Variants in SLC2A13 observed in about 807,000 individuals in gnomAD.
SLC2A13 encodes the protein proton myo-inositol cotransporter.
A neutral mutation model predicts 64.4 loss-of-function variants in SLC2A13; 32 were observed. That is an observed-to-expected ratio of 0.50 (90% confidence interval 0.37 to 0.67). The LOEUF is 0.67. Among genes scored for constraint, SLC2A13 ranks in the 30% least tolerant of loss-of-function variants. SLC2A13 has a pLI of 0.00. For synonymous variants in SLC2A13, 338 were observed against 327.1 expected, an observed-to-expected ratio of 1.03 and a Z score of -0.36; for missense variants, 743 against 829.2, an observed-to-expected ratio of 0.90 and a Z score of 1.28.
At chr12:39,864,715 A>G (rs780501270) in intron 6 of SLC2A13, 47 bp downstream of exon 6, 1 of 1,597,158 alleles carries the variant, frequency 6.3e-7, no homozygotes, top group Non-Finnish European at 8.5e-7. Flanking sequence ...GCAAGCAAAA[A>G]AGTTACCAGA....
intron 4 of SLC2A13, among the ~76,000 whole-genome samples, chr12:39,910,359 G>GT (rs1945402028): frequency 6.6e-6 from 1 of 152,046 alleles, no homozygotes; most frequent in African/African-American, 2.4e-5. Flanking sequence ...AACCACCTAT[G>GT]TGGTAAAGTT....
At chr12:39,775,045 T>G (rs533087888) in intron 7 of SLC2A13, among the ~76,000 whole-genome samples, 2 of 152,334 alleles carry the variant, frequency 1.3e-5, no homozygotes, top group South Asian at 4.1e-4. Context: ...CAGTCTGATA[T>G]CTAAAGTGTA....
chr12:39,859,333 GAA>G (rs34726316), intron 6 of SLC2A13, among the ~76,000 whole-genome samples: 23,841 of 60,686 alleles, frequency 0.39, 3,682 homozygotes, highest in East Asian at 0.45. Flanking sequence ...TTTTTTTTCT[GAA>G]AAAAAAAAAA....
chr12:40,082,178 GT>G (rs1194393788), intron 1 of SLC2A13, among the ~76,000 whole-genome samples: 2 of 152,174 alleles, frequency 1.3e-5, no homozygotes, highest in African/African-American at 4.8e-5. Context: ...TGGTAGTGAG[GT>G]TAGCATGCAC....
chr12:40,100,937 C>A (rs1338246006), intron 1 of SLC2A13, among the ~76,000 whole-genome samples: 1 of 129,550 alleles, frequency 7.7e-6, no homozygotes, highest in Non-Finnish European at 1.6e-5. Flanking sequence ...CGTGCTCCAG[C>A]CTGGGCGACA....
chr12:40,083,270 TCCA>T (rs1023340599), intron 1 of SLC2A13, among the ~76,000 whole-genome samples: 3 of 152,216 alleles, frequency 2.0e-5, no homozygotes, highest in Admixed American at 6.5e-5. Flanking sequence ...AGCTCTCTTC[TCCA>T]CCACTTCCCT....
chr12:39,876,122 C>G (rs1439173217), intron 4 of SLC2A13, among the ~76,000 whole-genome samples: 1 of 152,144 alleles, frequency 6.6e-6, no homozygotes, highest in Non-Finnish European at 1.5e-5. Flanking sequence ...CTCACACATA[C>G]CATCTCTTCC....
chr12:39,988,123 AG>A (rs1947061753), intron 3 of SLC2A13, among the ~76,000 whole-genome samples: 1 of 152,196 alleles, frequency 6.6e-6, no homozygotes, highest in African/African-American at 2.4e-5. Context: ...GCATATATGT[AG>A]GGACAGTTTT....
intron 1 of SLC2A13, among the ~76,000 whole-genome samples, chr12:40,087,357 C>A (rs1565622122): frequency 6.6e-6 from 1 of 152,144 alleles, no homozygotes; most frequent in African/African-American, 2.4e-5. Flanking sequence ...CCAGTCTATA[C>A]CCCTCTGTGT....
chr12:39,943,739 G>C (rs554073514), intron 4 of SLC2A13, among the ~76,000 whole-genome samples: 15 of 152,268 alleles, frequency 9.9e-5, no homozygotes, highest in African/African-American at 3.6e-4. Context: ...CCCTAGCAGG[G>C]AAGCCATGAG....
intron 3 of SLC2A13, among the ~76,000 whole-genome samples, chr12:40,007,642 T>C (rs190558556): frequency 6.6e-6 from 1 of 152,350 alleles, no homozygotes; most frequent in East Asian, 1.9e-4. Flanking sequence ...ATAAGCTTTG[T>C]TTTGAATTCT....
intron 4 of SLC2A13, among the ~76,000 whole-genome samples, chr12:39,896,188 A>G (rs554358999): frequency 6.7e-6 from 1 of 148,242 alleles, no homozygotes; most frequent in African/African-American, 2.5e-5. Context: ...GTATATATGT[A>G]TATATGTGTA....
chr12:40,024,634 C>G (rs1275284697), intron 3 of SLC2A13, among the ~76,000 whole-genome samples: 1 of 152,104 alleles, frequency 6.6e-6, no homozygotes, highest in Non-Finnish European at 1.5e-5. Flanking sequence ...GTTAATTGCT[C>G]TTTCATTTAT....
rs76990929 is a variant in SLC2A13 at position 39,905,204 on chromosome 12, A to G, written c.1035-33243T>C. 2.4e-3 allele frequency among the ~76,000 whole-genome samples: 366 copies of G among 152,276 alleles called. 1 individual carries two copies. The highest frequency in any genetic ancestry group is 8.5e-3 in the African/African-American group (353 of 41,568). ...GTTTTTATAATACTCTGAACACTGTACTAAAGAAAAGTGATGAGCATTTTG... is the reference window on the plus strand; with the variant it reads ...GTTTTTATAATACTCTGAACACTGTGCTAAAGAAAAGTGATGAGCATTTTG... On this transcript the variant is annotated intron_variant, in intron 4 of 9. Coordinates refer to ENST00000280871, the MANE Select transcript of SLC2A13 (RefSeq NM_052885.4).
intron 1 of SLC2A13, among the ~76,000 whole-genome samples, chr12:40,087,141 G>GT (rs1938612413): frequency 6.6e-6 from 1 of 152,140 alleles, no homozygotes; most frequent in Admixed American, 6.6e-5. Flanking sequence ...ACCTTTGGCT[G>GT]TATCTTCCAT....
chr12:39,895,524 A>G lies in SLC2A13; in HGVS notation c.1035-23563T>C, dbSNP rs1160545244. Among the ~76,000 whole-genome samples the G allele has an allele frequency of 8.2e-3, 234 of 28,554 alleles. 6 individuals are homozygous for G. The highest frequency in any genetic ancestry group is 0.023 in the East Asian group (6 of 256). 18.7% of individuals were successfully genotyped at this position (28,554 alleles called of 152,430 possible). On this transcript the variant is annotated intron_variant, in intron 4 of 9. Coordinates refer to ENST00000280871, the MANE Select transcript of SLC2A13 (RefSeq NM_052885.4). The stretch of plus-strand genomic sequence containing the variant: ...AAAAAAAAAAAAAAATTATATATAT[A>G]TATATATATATATATATATATATAT...
At chr12:39,805,535 A>T in intron 7 of SLC2A13, among the ~76,000 whole-genome samples, 1 of 150,970 alleles carries the variant, frequency 6.6e-6, no homozygotes, top group African/African-American at 2.4e-5. Flanking sequence ...TTCCCCAGAG[A>T]CTTTATTCCC....
Position 40,100,762 on chromosome 12 carries a change from G to C in SLC2A13, c.556+4491C>G, listed in dbSNP as rs1029798970. Among the ~76,000 whole-genome samples the C allele has an allele frequency of 2.6e-5, 4 of 151,988 alleles. No homozygotes were observed. The South Asian group carries it at 8.3e-4, about 32-fold the overall frequency. On this transcript the variant is annotated intron_variant, in intron 1 of 9. Coordinates refer to ENST00000280871, the MANE Select transcript of SLC2A13 (RefSeq NM_052885.4). ...GCAGATCACCTGAGATCAGGAGTTC[G>C]AGACCAGCTTGGCCAACATGGTGAA... is the stretch of plus-strand genomic sequence containing the variant.
chr12:40,059,318 G>A (rs1409426089), intron 1 of SLC2A13, among the ~76,000 whole-genome samples: 1 of 152,184 alleles, frequency 6.6e-6, no homozygotes, highest in Non-Finnish European at 1.5e-5. Context: ...GACAGAGGAA[G>A]TAGATGGAAA....
Sources: gnomAD v4.1 joint callset for allele counts (sites outside exome capture counted in the v4.1 genomes callset) on GRCh38, gnomAD v4.1.1 for gene constraint, MANE v1.5 for transcripts, NCBI Gene and HGNC (gene_info 2026-07-23, HGNC 2026-07-21) for gene names.